The following PRIM2 variants were observed in gnomAD, a reference collection of about 807,000 sequenced individuals.
The protein encoded by PRIM2 is DNA primase large subunit.
In PRIM2, 39 loss-of-function variants were observed where a neutral mutation model predicts 67.3. That is an observed-to-expected ratio of 0.58 (90% CI 0.45 to 0.76). The LOEUF is 0.76. PRIM2 is among the 30% of genes least tolerant of loss of function. The pLI, the probability that PRIM2 is intolerant of heterozygous loss-of-function variation, is 0.00. For synonymous variants in PRIM2, 143 were observed against 198.7 expected, an observed-to-expected ratio of 0.72 and a Z score of 2.36; for missense variants, 398 against 598.7, an observed-to-expected ratio of 0.66 and a Z score of 3.50.
At chr6:57,337,923 GT>G (rs1451833101) in intron 5 of PRIM2, among the ~76,000 whole-genome samples, 2 of 152,020 alleles carry the variant, frequency 1.3e-5, no homozygotes, top group Non-Finnish European at 2.9e-5. Flanking sequence ...CCAGGAGCTG[GT>G]TTTTTGAAAG....
rs1193756482 is a variant in PRIM2 at position 57,542,939 on chromosome 6, ATTT to A, written c.1020+5331_1020+5333del. Among the ~76,000 whole-genome samples, 119 of 71,902 alleles carry A rather than the reference ATTT, an allele frequency of 1.7e-3. 9 individuals are homozygous for A. Among genetic ancestry groups the A allele is most frequent in the Middle Eastern group, 8.3e-3 (1 of 120 alleles). 47.2% of individuals were successfully genotyped at this position (71,902 alleles called of 152,430 possible). On this transcript the variant is annotated intron_variant, in intron 10 of 13. Transcript: ENST00000615550. ...GTTGGCTTAAAATACTGCTTATAGG[ATTT>A]TTTTTTTTTTTTTTTTGAGACGGAG...
At chr6:57,312,421 GAGTCCA>G (rs1767407415), upstream of PRIM2, among the ~76,000 whole-genome samples, 1 of 152,076 alleles carries the variant, frequency 6.6e-6, no homozygotes, top group Non-Finnish European at 1.5e-5. Context: ...AGGATCGCTT[GAGTCCA>G]GGAGGTGGAG....
intron 7 of PRIM2, among the ~76,000 whole-genome samples, chr6:57,498,218 A>G (rs1373103671): frequency 6.6e-6 from 1 of 152,080 alleles, no homozygotes; most frequent in Non-Finnish European, 1.5e-5. Context: ...TAAATTGTTT[A>G]TCTCTTAGAA....
At chr6:57,525,901 G>A (rs1448122213) in intron 8 of PRIM2, among the ~76,000 whole-genome samples, 3 of 152,126 alleles carry the variant, frequency 2.0e-5, no homozygotes, top group African/African-American at 7.2e-5. Flanking sequence ...GAGAGATAGG[G>A]GGGTTGTACA....
intron 11 of PRIM2, among the ~76,000 whole-genome samples, chr6:57,604,340 C>A (rs1776523763): frequency 2.6e-5 from 4 of 152,154 alleles, no homozygotes; most frequent in Non-Finnish European, 5.9e-5. Context: ...TTGCTGAAGT[C>A]ATTGATTAAT....
At chr6:57,291,063 G>A in the PRIM2 span, among the ~76,000 whole-genome samples, 1 of 152,128 alleles carries the variant, frequency 6.6e-6, no homozygotes, top group Admixed American at 6.5e-5. Context: ...GAATCCAGGA[G>A]CTGGTTTTTG....
intron 13 of PRIM2, among the ~76,000 whole-genome samples, chr6:57,644,190 T>C (rs1308316541): frequency 6.6e-6 from 1 of 152,166 alleles, no homozygotes; most frequent in African/African-American, 2.4e-5. Context: ...TCATTCCTTA[T>C]TGTTTCCTTG....
At chr6:57,630,791 A>G (rs1777026378) in intron 12 of PRIM2, among the ~76,000 whole-genome samples, 1 of 152,176 alleles carries the variant, frequency 6.6e-6, no homozygotes, top group Non-Finnish European at 1.5e-5. Context: ...TCTCATCACA[A>G]TTTGAAAATC....
intron 3 of PRIM2, among the ~76,000 whole-genome samples, chr6:57,322,067 G>A (rs904881385): frequency 4.6e-5 from 7 of 152,186 alleles, no homozygotes; most frequent in African/African-American, 1.7e-4. Flanking sequence ...GGAAGGTGGA[G>A]CGGTGGATAT....
At chr6:57,569,699 C>T (rs1373333723) in intron 10 of PRIM2, among the ~76,000 whole-genome samples, 1 of 151,794 alleles carries the variant, frequency 6.6e-6, no homozygotes, top group Non-Finnish European at 1.5e-5. Context: ...CCTATGAATT[C>T]TAAGGTGAAT....
At chr6:57,274,311 T>C in the PRIM2 span, among the ~76,000 whole-genome samples, 9,023 of 152,322 alleles carry the variant, frequency 0.059, 614 homozygotes, top group African/African-American at 0.16. Flanking sequence ...GTTTACCTAA[T>C]CAAGTCTCGG....
At chr6:57,241,688 A>ATTC in the PRIM2 span, among the ~76,000 whole-genome samples, 1 of 119,112 alleles carries the variant, frequency 8.4e-6, no homozygotes, top group East Asian at 2.4e-4. Flanking sequence ...AGAACTATGT[A>ATTC]TTTTTTTTTT....
At chr6:57,328,838 A>C (rs1319718687) in intron 5 of PRIM2, among the ~76,000 whole-genome samples, 1 of 152,210 alleles carries the variant, frequency 6.6e-6, no homozygotes, top group Non-Finnish European at 1.5e-5. Context: ...TACCTTTTAA[A>C]AAAATATAGC....
the PRIM2 span, among the ~76,000 whole-genome samples, chr6:57,283,102 C>G: frequency 0.085 from 12,976 of 152,140 alleles, 588 homozygotes; most frequent in Non-Finnish European, 0.1. Flanking sequence ...TTCATAGCCT[C>G]AACACATTTT....
chr6:57,289,744 C>A, the PRIM2 span, among the ~76,000 whole-genome samples: 18 of 152,242 alleles, frequency 1.2e-4, no homozygotes, highest in Middle Eastern at 3.4e-3. Flanking sequence ...CCTTTACAGA[C>A]CAGCAAATGC....
In PRIM2 at chr6:57,601,212, T is replaced by C. The variant is rs1776457776; in HGVS notation, c.1140T>C (p.Asp380=). The stretch of plus-strand genomic sequence containing the variant: ...TGTCCAATCCACCAAGCCAAGGGGA[T>C]TATCATGGTAAGTGCCTCCACTGGA... ...IILSNPPSQG[D]YHGCPFRHSD... Residue 380 remains aspartate, a synonymous_variant, in exon 11 of 14, where the codon GAT becomes GAC. Coordinates refer to ENST00000615550, the MANE Select transcript of PRIM2 (RefSeq NM_000947.5). 1 of 1,606,496 alleles carries C rather than the reference T, an allele frequency of 6.2e-7. No homozygotes were observed. The highest frequency in any genetic ancestry group is 8.5e-7 in the Non-Finnish European group (1 of 1,177,008).
In PRIM2 at chr6:57,326,059, T is replaced by C; in HGVS notation, c.459+14T>C. 1 of 1,608,668 alleles carries C rather than the reference T, an allele frequency of 6.2e-7. No homozygotes were observed. Reference sequence around the variant, plus strand: ...CAGTTTGAGGCTGTAAGTATATTTTTGTAGTTATTTCTAATTGTTCTCACC... The same window carrying C: ...CAGTTTGAGGCTGTAAGTATATTTTCGTAGTTATTTCTAATTGTTCTCACC... On this transcript the variant is annotated intron_variant, in intron 5 of 13. Transcript: ENST00000615550.
At chr6:57,374,925 A>G (rs1769706189) in intron 5 of PRIM2, among the ~76,000 whole-genome samples, 1 of 152,262 alleles carries the variant, frequency 6.6e-6, no homozygotes, top group Non-Finnish European at 1.5e-5. Context: ...TAGTATCTTG[A>G]GACTTTGCTG....
chr6:57,602,482 G>C (rs1405997436), intron 11 of PRIM2, among the ~76,000 whole-genome samples: 3 of 152,130 alleles, frequency 2.0e-5, no homozygotes, highest in Non-Finnish European at 4.4e-5. Context: ...CACTGGGTGA[G>C]TTTTATGTCT....
Sources: gnomAD v4.1 joint callset for allele counts (sites outside exome capture counted in the v4.1 genomes callset) on GRCh38, gnomAD v4.1.1 for gene constraint, MANE v1.5 for transcripts, NCBI Gene and HGNC (gene_info 2026-07-23, HGNC 2026-07-21) for gene names.